ADAM32: variants seen among roughly 807,000 people sequenced by gnomAD.
ADAM32 encodes the protein disintegrin and metalloproteinase domain-containing protein 32.
A neutral mutation model predicts 114.9 loss-of-function variants in ADAM32; 89 were observed. The observed-to-expected ratio is 0.77, with a 90% CI of 0.65 to 0.92. The LOEUF (loss-of-function observed/expected upper bound fraction) is 0.92, where lower values mean the gene tolerates loss of function less well. Ranked by LOEUF, ADAM32 falls within the 40% of genes least tolerant of loss-of-function variation. ADAM32 has a pLI of 0.00. For missense variants in ADAM32, 870 were observed against 932.8 expected, an observed-to-expected ratio of 0.93 and a Z score of 0.88; for synonymous variants, 285 against 307.5, an observed-to-expected ratio of 0.93 and a Z score of 0.77.
intron 2 of ADAM32, among the ~76,000 whole-genome samples, chr8:39,121,466 G>A (rs1840587741): frequency 1.3e-5 from 2 of 152,272 alleles, no homozygotes; most frequent in African/African-American, 4.8e-5. Context: ...GGAGGGCTAG[G>A]GGAGGGAGAG....
intron 2 of ADAM32, among the ~76,000 whole-genome samples, chr8:39,129,414 G>A (rs1400618233): frequency 6.6e-6 from 1 of 151,916 alleles, no homozygotes; most frequent in Admixed American, 6.6e-5. Flanking sequence ...TATTGTAAAC[G>A]TTTATTGGGG....
intron 1 of ADAM32, 83 bp downstream of exon 1, chr8:39,107,916 G>T: frequency 7.0e-7 from 1 of 1,433,782 alleles, no homozygotes; most frequent in Non-Finnish European, 9.2e-7. Context: ...GGCCCTCCCT[G>T]TCTGGGTCCC....
chr8:39,157,677 G>A, intron 6 of ADAM32: 1 of 787,676 alleles, frequency 1.3e-6, no homozygotes, highest in Non-Finnish European at 2.1e-6. Context: ...AGAGCCTGCT[G>A]CTTGGTCTGC....
chr8:39,185,106 A>G (rs1806135090), intron 10 of ADAM32, among the ~76,000 whole-genome samples: 1 of 152,100 alleles, frequency 6.6e-6, no homozygotes, highest in South Asian at 2.1e-4. Context: ...CTGTACTAAA[A>G]ATACAAAAAT....
At chr8:39,234,630 A>G (rs1809982989) in intron 16 of ADAM32, among the ~76,000 whole-genome samples, 1 of 152,250 alleles carries the variant, frequency 6.6e-6, no homozygotes, top group Non-Finnish European at 1.5e-5. Context: ...GCTTAGCACA[A>G]TGCCCAGAAC....
rs1239047277 is a variant in ADAM32 at position 39,283,621 on chromosome 8, G to C, written c.2354G>C (p.Ser785Thr). The change falls in exon 24 of 25, where the codon AGT (serine) becomes ACT (threonine). Residue 785 changes from serine (S) to threonine (T), a missense_variant. Ser to Thr is a moderately conservative substitution (Grantham distance 58). Coordinates refer to ENST00000379907, the MANE Select transcript of ADAM32 (RefSeq NM_145004.7). ...KSQDSTQTQSSSN is the reference protein window; with the variant it reads ...KSQDSTQTQSTSN Reference sequence around the variant, plus strand: ...CAGGACAGTACCCAAACACAAAGCAGTAGGTAAGTATATTAGAAGGTGTTT... The same window carrying C: ...CAGGACAGTACCCAAACACAAAGCACTAGGTAAGTATATTAGAAGGTGTTT... 6 of 1,596,796 alleles carry C rather than the reference G, an allele frequency of 3.8e-6. No individual in the cohort carries two copies. The highest frequency in any genetic ancestry group is 5.1e-6 in the Non-Finnish European group (6 of 1,167,972).
intron 3 of ADAM32, among the ~76,000 whole-genome samples, chr8:39,142,628 C>T (rs889366804): frequency 1.3e-5 from 2 of 152,118 alleles, no homozygotes; most frequent in Non-Finnish European, 2.9e-5. Flanking sequence ...CTCTGGCTGC[C>T]CTTAACATTT....
rs141947805 is a variant in ADAM32 at position 39,159,813 on chromosome 8, A to G, written c.526-1084A>G. On this transcript the variant is annotated intron_variant, in intron 6 of 24. Coordinates refer to ENST00000379907, the MANE Select transcript of ADAM32 (RefSeq NM_145004.7). The stretch of plus-strand genomic sequence containing the variant: ...ATAATTCTTTGAGAACAAATTTGGT[A>G]TTTCTTCCTCTGGCACGGGAAAGCC... Among the ~76,000 whole-genome samples, 55 of 152,168 alleles carry G rather than the reference A, an allele frequency of 3.6e-4. No individual in the cohort carries two copies. The East Asian group carries it at 0.011, about 30-fold the overall frequency.
Position 39,257,229 on chromosome 8 carries a change from G to A in ADAM32, c.2048G>A (p.Trp683Ter). The change falls in exon 19 of 25, where the codon TGG (tryptophan) becomes TAG (stop). Residue 683 changes from tryptophan to a stop codon, truncating the protein, a stop_gained. Transcript: ENST00000379907. LOFTEE classifies it high-confidence loss of function. ...GCATCTGGGAAGACTGAAAACACCTGGCTTCTAGGTTTCCTCATTGCTCTT... is the reference window on the plus strand; with the variant it reads ...GCATCTGGGAAGACTGAAAACACCTAGCTTCTAGGTTTCCTCATTGCTCTT... ...ERASGKTENT[W>*]LLGFLIALPI... 6.2e-7 allele frequency: 1 copy of A among 1,607,368 alleles called. No homozygotes were observed. The highest frequency in any genetic ancestry group is 1.3e-5 in the African/African-American group (1 of 74,294).
intron 11 of ADAM32, among the ~76,000 whole-genome samples, chr8:39,203,429 G>A (rs899011067): frequency 6.6e-6 from 1 of 152,046 alleles, no homozygotes; most frequent in Admixed American, 6.5e-5. Context: ...TTTAAAGTCT[G>A]TTTATCAGAG....
intron 12 of ADAM32, among the ~76,000 whole-genome samples, chr8:39,216,464 T>C (rs1290123252): frequency 1.3e-5 from 2 of 151,936 alleles, no homozygotes; most frequent in African/African-American, 4.8e-5. Context: ...TCTTCTTCCT[T>C]TCCTTTCCCC....
chr8:39,231,535 C>A (rs2129449279), intron 14 of ADAM32, among the ~76,000 whole-genome samples: 1 of 152,108 alleles, frequency 6.6e-6, no homozygotes, highest in South Asian at 2.1e-4. Flanking sequence ...TAATTTTTTA[C>A]AGAGAAATAA....
At chr8:39,148,526 T>C (rs370032092) in intron 4 of ADAM32, among the ~76,000 whole-genome samples, 1 of 151,934 alleles carries the variant, frequency 6.6e-6, no homozygotes, top group South Asian at 2.1e-4. Flanking sequence ...CAATACATGA[T>C]GTATCATATA....
chr8:39,134,314 G>A (rs1802651043), intron 2 of ADAM32, among the ~76,000 whole-genome samples: 1 of 151,970 alleles, frequency 6.6e-6, no homozygotes, highest in African/African-American at 2.4e-5. Context: ...CACCAGGAGT[G>A]CAGGTAGGCA....
At chr8:39,228,583 C>T (rs1809543889) in intron 14 of ADAM32, among the ~76,000 whole-genome samples, 1 of 152,072 alleles carries the variant, frequency 6.6e-6, no homozygotes, top group Admixed American at 6.6e-5. Context: ...GAAAGAAATT[C>T]AGAGCTCAAA....
intron 17 of ADAM32, among the ~76,000 whole-genome samples, chr8:39,248,314 T>A (rs1811063192): frequency 6.6e-6 from 1 of 152,236 alleles, no homozygotes; most frequent in African/African-American, 2.4e-5. Flanking sequence ...AGTCTTTCTA[T>A]CCATTCACAT....
At chr8:39,260,022 G>T (rs1387981527) in intron 19 of ADAM32, among the ~76,000 whole-genome samples, 3 of 152,040 alleles carry the variant, frequency 2.0e-5, no homozygotes, top group South Asian at 2.1e-4. Context: ...ATTCCTGTTG[G>T]AATCCTACTT....
At chr8:39,251,872 A>C (rs1053719845) in intron 17 of ADAM32, among the ~76,000 whole-genome samples, 2 of 151,808 alleles carry the variant, frequency 1.3e-5, no homozygotes, top group African/African-American at 4.8e-5. Flanking sequence ...AGTCTTGAAT[A>C]CATTTTGATT....
chr8:39,164,127 C>T lies in ADAM32; in HGVS notation c.595-637C>T, dbSNP rs112820747. 2.6e-5 allele frequency among the ~76,000 whole-genome samples: 4 copies of T among 152,318 alleles called. 1 individual carries two copies. The highest frequency in any genetic ancestry group is 9.6e-5 in the African/African-American group (4 of 41,574). Reference sequence around the variant, plus strand: ...ACCACAGCACTCTCCTGTGTGATCCCATTAGAGCCACACTGATCCCCTGCC... The same window carrying T: ...ACCACAGCACTCTCCTGTGTGATCCTATTAGAGCCACACTGATCCCCTGCC... On this transcript the variant is annotated intron_variant, in intron 7 of 24. Transcript: ENST00000379907.
Sources: gnomAD v4.1 joint callset for allele counts (sites outside exome capture counted in the v4.1 genomes callset) on GRCh38, gnomAD v4.1.1 for gene constraint, MANE v1.5 for transcripts, NCBI Gene and HGNC (gene_info 2026-07-23, HGNC 2026-07-21) for gene names.